The following GATAD2B variants were observed in gnomAD, a reference collection of about 807,000 sequenced individuals.
GATAD2B encodes GATA zinc finger domain containing 2B.
Under a neutral mutation model 64.3 loss-of-function variants are expected in GATAD2B, and 8 were observed. The observed-to-expected ratio is 0.12, with a 90% CI of 0.07 to 0.22. The LOEUF is 0.22. Among genes scored for constraint, GATAD2B ranks in the 10% least tolerant of loss-of-function variants. The pLI, the probability that GATAD2B is intolerant of heterozygous loss-of-function variation, is 1.00. For synonymous variants in GATAD2B, 281 were observed against 271.3 expected (o/e 1.04, Z -0.35); for missense variants, 453 against 752.0 (o/e 0.60, Z 4.65).
chr1:153,892,006 A>T (rs1677423348), intron 1 of GATAD2B, among the ~76,000 whole-genome samples: 2 of 151,766 alleles, frequency 1.3e-5, no homozygotes, highest in Admixed American at 1.3e-4. Flanking sequence ...TACTAAAAAC[A>T]CAAAAATTAG....
chr1:153,872,064 T>C (rs1286949896), intron 1 of GATAD2B, among the ~76,000 whole-genome samples: 1 of 152,004 alleles, frequency 6.6e-6, no homozygotes, highest in East Asian at 1.9e-4. Flanking sequence ...ATGCCTGTAA[T>C]CCCAGCACTT....
chr1:153,844,984 C>T (rs910408393), intron 1 of GATAD2B, among the ~76,000 whole-genome samples: 2 of 151,208 alleles, frequency 1.3e-5, no homozygotes, highest in African/African-American at 4.9e-5. Flanking sequence ...AATAATCAAT[C>T]AGAAGAAATC....
intron 1 of GATAD2B, among the ~76,000 whole-genome samples, chr1:153,915,844 C>T (rs553212687): frequency 2.0e-5 from 3 of 151,336 alleles, no homozygotes; most frequent in Admixed American, 2.0e-4. Context: ...ACACCAACAA[C>T]ATAAAGGGCC....
intron 1 of GATAD2B, among the ~76,000 whole-genome samples, chr1:153,900,208 G>A (rs1308438337): frequency 6.6e-6 from 1 of 151,974 alleles, no homozygotes; most frequent in Non-Finnish European, 1.5e-5. Flanking sequence ...ACGAGGTCAG[G>A]AATTCGAGAC....
chr1:153,918,065 T>TA (rs1359959093), intron 1 of GATAD2B, among the ~76,000 whole-genome samples: 1 of 152,112 alleles, frequency 6.6e-6, no homozygotes, highest in Admixed American at 6.6e-5. Flanking sequence ...GGTTCTAAGA[T>TA]AGAGTGTGAC....
intron 1 of GATAD2B, among the ~76,000 whole-genome samples, chr1:153,879,762 CAAAAAAAA>C (rs71093298): frequency 2.5e-5 from 2 of 80,962 alleles, no homozygotes; most frequent in Non-Finnish European, 4.8e-5. Context: ...ACACTGTCTA[CAAAAAAAA>C]AAAAAAAAAA....
chr1:153,859,907 C>CTTTTTTTTT (rs34557576), intron 1 of GATAD2B, among the ~76,000 whole-genome samples: 9 of 60,888 alleles, frequency 1.5e-4, no homozygotes, highest in Non-Finnish European at 1.7e-4. Flanking sequence ...CTTTTCTTTT[C>CTTTTTTTTT]TTTTTTTTTT....
At chr1:153,829,606 G>A (rs1028762903) in intron 1 of GATAD2B, among the ~76,000 whole-genome samples, 10 of 151,784 alleles carry the variant, frequency 6.6e-5, no homozygotes, top group African/African-American at 9.7e-5. Context: ...GCGTGGTGGC[G>A]GGCGCCTGTA....
chr1:153,810,437 T>G (rs964488713), intron 10 of GATAD2B, 127 bp from the exon 11 acceptor site: 10 of 856,350 alleles, frequency 1.2e-5, no homozygotes, highest in Non-Finnish European at 1.8e-5. Context: ...CTGGTCACAC[T>G]TGGTTAGCTT....
intron 1 of GATAD2B, among the ~76,000 whole-genome samples, chr1:153,920,234 G>T (rs1678389057): frequency 6.6e-6 from 1 of 152,220 alleles, no homozygotes; most frequent in Non-Finnish European, 1.5e-5. Flanking sequence ...AAGGTGAGAT[G>T]AATTCAGAGG....
Position 153,808,709 on chromosome 1 carries a change from CCA to C in GATAD2B, c.*1466_*1467del. 1 of 151,926 alleles carries C rather than the reference CCA, an allele frequency of 6.6e-6. No individual in the cohort carries two copies. Among genetic ancestry groups the C allele is most frequent in the Non-Finnish European group, 1.5e-5 (1 of 67,996 alleles). The allele number at this position is 151,926 out of a possible 1,614,324, so 9.4% of individuals were successfully genotyped here. ...AAACAGCCTGGTCCACTCCGTCTTC[CCA>C]CAGTGTGGGCAAATGGGATGCTAAT... On this transcript the variant is annotated 3_prime_UTR_variant, in exon 11 of 11. Coordinates refer to ENST00000368655, the MANE Select transcript of GATAD2B (RefSeq NM_020699.4).
In GATAD2B at chr1:153,817,528, G is replaced by A. The variant is rs762057937; in HGVS notation, c.744C>T (p.Ile248=). The A allele has an allele frequency of 3.1e-6, 5 of 1,602,102 alleles. No individual in the cohort carries two copies. The highest frequency in any genetic ancestry group is 2.2e-5 in the South Asian group (2 of 88,960). The change falls in exon 6 of 11, where the codon ATC becomes ATT. Residue 248 remains isoleucine (I), a synonymous_variant. Transcript: ENST00000368655. ...GAAGGGTGGTATTGGTAGCTGAACG[G>A]ATGACACTGTGACCCTGGAGGGGAA... ...NLRTLQGHSV[I]RSATNTTLPH... is the part of the protein sequence containing the mutation.
At chr1:153,846,191 C>T (rs1241519624) in intron 1 of GATAD2B, among the ~76,000 whole-genome samples, 2 of 152,002 alleles carry the variant, frequency 1.3e-5, no homozygotes, top group African/African-American at 2.4e-5. Flanking sequence ...AGTTTTATTT[C>T]TACCATCTTC....
chr1:153,821,509 G>A (rs1488052300), intron 2 of GATAD2B, among the ~76,000 whole-genome samples: 2 of 152,166 alleles, frequency 1.3e-5, no homozygotes, highest in Non-Finnish European at 2.9e-5. Flanking sequence ...ACTAGAGGGA[G>A]AAAAGAGCCT....
At chr1:153,848,783 C>T (rs1675777879) in intron 1 of GATAD2B, among the ~76,000 whole-genome samples, 1 of 152,070 alleles carries the variant, frequency 6.6e-6, no homozygotes, top group Non-Finnish European at 1.5e-5. Context: ...GAAACCCCGT[C>T]CCTACTGAAA....
intron 1 of GATAD2B, among the ~76,000 whole-genome samples, chr1:153,858,221 A>T (rs1676157372): frequency 6.6e-6 from 1 of 152,180 alleles, no homozygotes; most frequent in Non-Finnish European, 1.5e-5. Context: ...CTCTTCTTAT[A>T]GTCCATATTT....
chr1:153,921,516 C>T (rs1678427386), intron 1 of GATAD2B, among the ~76,000 whole-genome samples: 1 of 152,126 alleles, frequency 6.6e-6, no homozygotes, highest in African/African-American at 2.4e-5. Context: ...ACTGCTCTTG[C>T]CCTTTGCTGA....
At chr1:153,902,486 C>G (rs188227725) in intron 1 of GATAD2B, among the ~76,000 whole-genome samples, 9 of 152,052 alleles carry the variant, frequency 5.9e-5, no homozygotes, top group African/African-American at 2.2e-4. Flanking sequence ...CAGGGTCTCA[C>G]TCTTGTCACC....
intron 1 of GATAD2B, among the ~76,000 whole-genome samples, chr1:153,880,084 T>C (rs971364968): frequency 9.2e-5 from 14 of 152,148 alleles, no homozygotes; most frequent in Admixed American, 5.9e-4. Flanking sequence ...TAGATATTAC[T>C]TGCTCTATTA....
Sources: gnomAD v4.1 joint callset for allele counts (sites outside exome capture counted in the v4.1 genomes callset) on GRCh38, gnomAD v4.1.1 for gene constraint, MANE v1.5 for transcripts, NCBI Gene and HGNC (gene_info 2026-07-23, HGNC 2026-07-21) for gene names.